Variants in FBXO34 observed in about 807,000 individuals in gnomAD.
The protein encoded by FBXO34 is F-box only protein 34.
FBXO34 carries 12 observed loss-of-function variants against 24.5 expected under a neutral mutation model. The ratio of observed to expected loss-of-function variants is 0.49; its 90% confidence interval spans 0.31 to 0.79. The LOEUF (loss-of-function observed/expected upper bound fraction) is 0.79, where lower values mean the gene tolerates loss of function less well. FBXO34 is among the 30% of genes least tolerant of loss of function. The probability of loss-of-function intolerance (pLI) is 0.04; values close to 1 mark genes in which losing one functional copy is unlikely to be tolerated. For synonymous variants in FBXO34, 320 were observed against 311.9 expected, an observed-to-expected ratio of 1.03 and a Z score of -0.27; for missense variants, 823 against 857.7, an observed-to-expected ratio of 0.96 and a Z score of 0.51.
intron 1 of FBXO34, among the ~76,000 whole-genome samples, chr14:55,305,589 C>G (rs185858634): frequency 2.0e-5 from 3 of 147,390 alleles, no homozygotes; most frequent in South Asian, 2.1e-4. Context: ...CCCAGCTACT[C>G]GGGAGGCTGA....
At chr14:55,350,299 A>T (rs1224723308) in intron 1 of FBXO34, 82 bp from the exon 2 acceptor site, 4 of 1,011,674 alleles carry the variant, frequency 4.0e-6, no homozygotes, top group Non-Finnish European at 5.6e-6. Flanking sequence ...GTTGCTAAGA[A>T]CCATCTGAGC....
At chr14:55,347,422 G>C (rs1017749498) in intron 1 of FBXO34, among the ~76,000 whole-genome samples, 1 of 152,180 alleles carries the variant, frequency 6.6e-6, no homozygotes, top group Non-Finnish European at 1.5e-5. Context: ...TAGTTTCTCT[G>C]TGTCTTGCCA....
At chr14:55,339,748 C>T (rs1046577523) in intron 1 of FBXO34, among the ~76,000 whole-genome samples, 3 of 152,162 alleles carry the variant, frequency 2.0e-5, no homozygotes, top group Non-Finnish European at 2.9e-5. Flanking sequence ...ACCAAAGCAG[C>T]AATGTTTTTT....
the FBXO34 span, chr14:55,391,010 TA>T: frequency 6.4e-7 from 1 of 1,573,932 alleles, no homozygotes. Context: ...AAGCATGTAA[TA>T]AATATCACAA....
chr14:55,353,556 C>T lies in FBXO34; in HGVS notation c.*1030C>T, dbSNP rs1181551492. 1.2e-5 allele frequency: 2 copies of T among 167,026 alleles called. No homozygotes were observed. The highest frequency in any genetic ancestry group is 2.9e-5 in the Non-Finnish European group (2 of 68,102). 10.3% of individuals were successfully genotyped at this position (167,026 alleles called of 1,614,324 possible). A position where few individuals can be genotyped will look rare whatever the true frequency, so the allele number is the denominator to read the frequency against. On this transcript the variant is annotated 3_prime_UTR_variant, in exon 2 of 2. Transcript: ENST00000313833. ...TAATAACATTCTTGTCTACTTTATC[C>T]TGTCTGGTTACAAAATTTTTTAAAA...
intron 1 of FBXO34, among the ~76,000 whole-genome samples, chr14:55,290,282 A>G (rs543174179): frequency 2.0e-5 from 3 of 152,158 alleles, no homozygotes; most frequent in African/African-American, 7.2e-5. Flanking sequence ...AATCCCAGCT[A>G]CTTGGAGGCA....
At chr14:55,271,667 G>A (rs948083361) in intron 1 of FBXO34, 130 bp downstream of exon 1, 2 of 149,126 alleles carry the variant, frequency 1.3e-5, no homozygotes, top group African/African-American at 4.9e-5. Flanking sequence ...GGGTGGGGGT[G>A]GGGGCGGGGG....
chr14:55,290,042 G>T (rs1290197912), intron 1 of FBXO34, among the ~76,000 whole-genome samples: 3 of 152,024 alleles, frequency 2.0e-5, no homozygotes, highest in Non-Finnish European at 4.4e-5. Flanking sequence ...GGTGATTTAG[G>T]GCTCATCTGG....
chr14:55,415,168 T>TG, the FBXO34 span, among the ~76,000 whole-genome samples: 1 of 152,230 alleles, frequency 6.6e-6, no homozygotes, highest in African/African-American at 2.4e-5. Context: ...GTCATGTACT[T>TG]GTACTACTTA....
At chr14:55,375,130 G>C in the FBXO34 span, among the ~76,000 whole-genome samples, 1 of 152,258 alleles carries the variant, frequency 6.6e-6, no homozygotes, top group African/African-American at 2.4e-5. Context: ...TCCTCATACG[G>C]TGTGTAGAGC....
At chr14:55,421,941 G>A in the FBXO34 span, among the ~76,000 whole-genome samples, 1 of 152,266 alleles carries the variant, frequency 6.6e-6, no homozygotes, top group East Asian at 1.9e-4. Context: ...GATGAGGCAA[G>A]ATTTTATAAA....
intron 1 of FBXO34, among the ~76,000 whole-genome samples, chr14:55,320,850 G>GT (rs1883109057): frequency 6.6e-6 from 1 of 152,204 alleles, no homozygotes; most frequent in Admixed American, 6.5e-5. Context: ...CTGGGATACT[G>GT]TTGAGATAGC....
the FBXO34 span, chr14:55,413,987 C>A: frequency 1.9e-6 from 1 of 522,054 alleles, no homozygotes. Flanking sequence ...GCCAAAGGAA[C>A]AACTCCATCT....
At chr14:55,413,678 G>T in the FBXO34 span, 1 of 343,284 alleles carries the variant, frequency 2.9e-6, no homozygotes, top group Non-Finnish European at 5.8e-6. Context: ...TCCCTTTGAC[G>T]TCTTTTTCTG....
chr14:55,326,391 A>G (rs1354659530), intron 1 of FBXO34, among the ~76,000 whole-genome samples: 2 of 152,192 alleles, frequency 1.3e-5, no homozygotes, highest in African/African-American at 2.4e-5. Context: ...GCTGCAGGTA[A>G]TCTTTGGTCT....
chr14:55,298,369 A>G (rs1032015763), intron 1 of FBXO34, among the ~76,000 whole-genome samples: 3 of 141,680 alleles, frequency 2.1e-5, no homozygotes, highest in African/African-American at 7.7e-5. Flanking sequence ...TATTTGAACT[A>G]GGATTATTTC....
intron 1 of FBXO34, among the ~76,000 whole-genome samples, chr14:55,327,907 GGTTTTTTTTTTTT>G (rs1883396999): frequency 1.4e-5 from 1 of 73,870 alleles, no homozygotes; most frequent in African/African-American, 5.2e-5. Context: ...TGTTGTTGTT[GGTTTTTTTTTTTT>G]TTTTTTTTTT....
At chr14:55,413,539 AT>A in the FBXO34 span, 242 of 394,148 alleles carry the variant, frequency 6.1e-4, no homozygotes, top group South Asian at 1.5e-3. Context: ...ACAGTTCAGA[AT>A]TTTTTTTGAC....
At chr14:55,372,408 A>G (rs779161380), downstream of FBXO34, among the ~76,000 whole-genome samples, 6 of 152,028 alleles carry the variant, frequency 3.9e-5, no homozygotes, top group African/African-American at 1.4e-4. Context: ...TAAACCAAAG[A>G]TGCTCTGATT....
Sources: allele counts gnomAD v4.1 joint callset (sites outside exome capture counted in the v4.1 genomes callset), GRCh38; gene constraint gnomAD v4.1.1; transcripts MANE v1.5; gene names NCBI Gene and HGNC (gene_info 2026-07-23, HGNC 2026-07-21).